Variants in PVT1 observed in about 807,000 individuals in gnomAD.
PVT1 encodes Pvt1 oncogene.
At chr8:128,029,538 A>T (rs1019647867) in intron 4 of PVT1, among the ~76,000 whole-genome samples, 1 of 152,152 alleles carries the variant, frequency 6.6e-6, no homozygotes, top group Non-Finnish European at 1.5e-5. Context: ...GCGGTGGCTC[A>T]CGCCTGTAAT....
chr8:128,019,409 T>G (rs1469617206), intron 4 of PVT1, among the ~76,000 whole-genome samples: 2 of 152,198 alleles, frequency 1.3e-5, no homozygotes, highest in African/African-American at 4.8e-5. Context: ...AGTGGTGCAC[T>G]GTTAAACTTC....
intron 2 of PVT1, among the ~76,000 whole-genome samples, chr8:127,887,931 GTTTTT>G (rs560976785): frequency 1.2e-3 from 79 of 66,582 alleles, no homozygotes; most frequent in African/African-American, 4.9e-3. Context: ...ACTCTATCTT[GTTTTT>G]TTTTTTTTTT....
At chr8:127,928,423 G>T (rs78406939) in intron 3 of PVT1, among the ~76,000 whole-genome samples, 1 of 152,128 alleles carries the variant, frequency 6.6e-6, no homozygotes, top group Non-Finnish European at 1.5e-5. Context: ...TCCCATTGCC[G>T]TGGTCCCTAT....
intron 2 of PVT1, among the ~76,000 whole-genome samples, chr8:127,864,706 C>T (rs1235301470): frequency 2.6e-5 from 4 of 152,108 alleles, no homozygotes; most frequent in Non-Finnish European, 5.9e-5. Context: ...CACCACCACG[C>T]CCGGCTATTT....
chr8:127,928,598 T>C (rs1816161009), intron 3 of PVT1, among the ~76,000 whole-genome samples: 1 of 152,238 alleles, frequency 6.6e-6, no homozygotes, highest in Non-Finnish European at 1.5e-5. Context: ...AGGAGTTTAC[T>C]CTGCTAACCA....
chr8:127,955,906 A>G (rs1254154957), intron 3 of PVT1, among the ~76,000 whole-genome samples: 1 of 152,204 alleles, frequency 6.6e-6, no homozygotes, highest in Non-Finnish European at 1.5e-5. Flanking sequence ...CTATTCTGCA[A>G]ATAAAAAGCC....
chr8:128,015,615 A>G (rs922441891), intron 4 of PVT1, among the ~76,000 whole-genome samples: 5 of 151,868 alleles, frequency 3.3e-5, no homozygotes, highest in Admixed American at 3.3e-4. Flanking sequence ...TCTACTAAAA[A>G]CACCAAAATT....
chr8:128,002,949 G>GCCTC (rs138039280), intron 4 of PVT1, among the ~76,000 whole-genome samples: 3,281 of 97,136 alleles, frequency 0.034, 141 homozygotes, highest in African/African-American at 0.072. Flanking sequence ...CTCCCTCTCT[G>GCCTC]CCTCCCTCCC....
In PVT1 at chr8:127,947,095, T is replaced by A. The variant is rs763948250; in HGVS notation, n.783-42067T>A. 199 of 152,932 alleles carry A rather than the reference T, an allele frequency of 1.3e-3. 2 individuals carry two copies. The highest frequency in any genetic ancestry group is 3.4e-4 in the Non-Finnish European group (23 of 68,496). 9.5% of individuals were successfully genotyped at this position (152,932 alleles called of 1,614,324 possible). ...TTTATGACAAGAGGTGGTCCCTTGT[T>A]GAAAGCCTGTCACATGGCAGGTACT... On this transcript the variant is annotated intron_variant and non_coding_transcript_variant, in intron 3 of 10. Coordinates refer to ENST00000651587, the Ensembl canonical transcript of PVT1.
intron 3 of PVT1, among the ~76,000 whole-genome samples, chr8:127,911,645 C>G (rs1158541892): frequency 6.6e-6 from 1 of 152,244 alleles, no homozygotes; most frequent in African/African-American, 2.4e-5. Flanking sequence ...TTGAGGAAAC[C>G]GTGGCCCAGG....
chr8:127,872,883 C>T (rs1251914607), intron 2 of PVT1, among the ~76,000 whole-genome samples: 2 of 152,188 alleles, frequency 1.3e-5, no homozygotes, highest in African/African-American at 4.8e-5. Context: ...TTCTTTGTCC[C>T]CACGCCTGCC....
At chr8:128,051,041 C>T (rs1813687878) in intron 4 of PVT1, among the ~76,000 whole-genome samples, 1 of 152,192 alleles carries the variant, frequency 6.6e-6, no homozygotes, top group Non-Finnish European at 1.5e-5. Flanking sequence ...AGATTCTCAG[C>T]TTGAGCACTG....
chr8:127,806,570 C>T (rs955386783), intron 2 of PVT1, among the ~76,000 whole-genome samples: 14 of 152,280 alleles, frequency 9.2e-5, no homozygotes, highest in Non-Finnish European at 1.8e-4. Context: ...TTCATCCTTT[C>T]TAGGATACAA....
At chr8:127,895,214 TA>T (rs1369469364) in intron 3 of PVT1, among the ~76,000 whole-genome samples, 3 of 152,228 alleles carry the variant, frequency 2.0e-5, no homozygotes, top group Non-Finnish European at 4.4e-5. Flanking sequence ...CTCACACATG[TA>T]ATCCCAGCAC....
intron 4 of PVT1, among the ~76,000 whole-genome samples, chr8:128,025,331 C>T (rs1416818286): frequency 6.6e-6 from 1 of 152,206 alleles, no homozygotes; most frequent in Non-Finnish European, 1.5e-5. Context: ...CTTTGTACCC[C>T]TGTCTCTCAA....
intron 2 of PVT1, among the ~76,000 whole-genome samples, chr8:127,864,738 T>C (rs993156323): frequency 6.6e-6 from 1 of 152,070 alleles, no homozygotes; most frequent in African/African-American, 2.4e-5. Flanking sequence ...TTAGTACATA[T>C]GGGGTTTCAC....
chr8:127,901,935 C>T (rs545204024), intron 3 of PVT1, among the ~76,000 whole-genome samples: 38 of 150,442 alleles, frequency 2.5e-4, no homozygotes, highest in East Asian at 2.1e-3. Context: ...AGAAAAATAT[C>T]GTTAGAAATA....
intron 3 of PVT1, among the ~76,000 whole-genome samples, chr8:127,988,647 G>A (rs936465058): frequency 3.9e-5 from 6 of 152,234 alleles, no homozygotes; most frequent in Non-Finnish European, 7.3e-5. Context: ...CTAGATGACA[G>A]TGTTGGGCTC....
chr8:127,967,406 G>A (rs1816715366), intron 3 of PVT1, among the ~76,000 whole-genome samples: 1 of 152,194 alleles, frequency 6.6e-6, no homozygotes, highest in Admixed American at 6.5e-5. Context: ...CTCCTGTGTG[G>A]GACACAAAGT....
Sources: gnomAD v4.1 joint callset for allele counts (sites outside exome capture counted in the v4.1 genomes callset) on GRCh38, gnomAD v4.1.1 for gene constraint, MANE v1.5 for transcripts, NCBI Gene and HGNC (gene_info 2026-07-23, HGNC 2026-07-21) for gene names.